Variants in CAST observed in about 807,000 individuals in gnomAD.
CAST encodes MIR583 host.
Under a neutral mutation model 119.6 loss-of-function variants are expected in CAST, and 76 were observed. The observed-to-expected ratio is 0.64, with a 90% confidence interval of 0.53 to 0.77. The LOEUF is 0.77. Ranked by LOEUF, CAST falls within the 30% of genes least tolerant of loss-of-function variation. The pLI is 0.00. For synonymous variants in CAST, 319 were observed against 331.6 expected (o/e 0.96, Z 0.41); for missense variants, 953 against 946.5 (o/e 1.01, Z -0.09).
intron 1 of CAST, among the ~76,000 whole-genome samples, chr5:96,621,700 T>G (rs997740742): frequency 6.6e-6 from 1 of 152,156 alleles, no homozygotes; most frequent in Non-Finnish European, 1.5e-5. Context: ...AAGATGAGAT[T>G]TGGGTGGGGA....
the CAST span, among the ~76,000 whole-genome samples, chr5:96,287,726 TATATA>T: frequency 7.6e-3 from 1,161 of 152,248 alleles, 12 homozygotes; most frequent in African/African-American, 0.027. Context: ...AAATCACACT[TATATA>T]GGTAGTGGCA....
the CAST span, among the ~76,000 whole-genome samples, chr5:96,252,580 C>T: frequency 6.6e-6 from 1 of 152,120 alleles, no homozygotes; most frequent in African/African-American, 2.4e-5. Flanking sequence ...AATTGACGCT[C>T]ACAGAGTTTA....
At chr5:96,092,762 T>C in the CAST span, among the ~76,000 whole-genome samples, 6 of 152,206 alleles carry the variant, frequency 3.9e-5, no homozygotes, top group African/African-American at 9.7e-5. Context: ...TAAATTCTAC[T>C]TTTCAGACAT....
the CAST span, among the ~76,000 whole-genome samples, chr5:95,966,753 A>G: frequency 2.0e-5 from 3 of 152,270 alleles, no homozygotes; most frequent in African/African-American, 7.2e-5. Context: ...AGTCTTCATT[A>G]ATACCTTTTT....
chr5:96,401,700 T>C, the CAST span, among the ~76,000 whole-genome samples: 3 of 152,324 alleles, frequency 2.0e-5, no homozygotes, highest in African/African-American at 4.8e-5. Context: ...ATTGCACTTA[T>C]AGGCTTCTAA....
the CAST span, among the ~76,000 whole-genome samples, chr5:96,323,965 T>C: frequency 1.3e-5 from 2 of 152,178 alleles, no homozygotes; most frequent in Non-Finnish European, 2.9e-5. Flanking sequence ...TCTTTCTTCT[T>C]TCCTTCTCCC....
chr5:96,159,962 T>C, the CAST span, among the ~76,000 whole-genome samples: 1 of 107,562 alleles, frequency 9.3e-6, no homozygotes, highest in Non-Finnish European at 2.0e-5. Context: ...GAAACCTGTC[T>C]CTACTAAAAA....
chr5:96,110,722 A>G, the CAST span, among the ~76,000 whole-genome samples: 1 of 152,200 alleles, frequency 6.6e-6, no homozygotes, highest in East Asian at 1.9e-4. Context: ...TGATTAGGGA[A>G]GGAGATGGTT....
At chr5:96,738,176 G>T (rs893899398) in intron 11 of CAST, among the ~76,000 whole-genome samples, 1 of 152,034 alleles carries the variant, frequency 6.6e-6, no homozygotes, top group Non-Finnish European at 1.5e-5. Flanking sequence ...ACAAAAATTA[G>T]CTGGGCATGG....
intron 2 of CAST, among the ~76,000 whole-genome samples, chr5:96,684,573 T>A (rs947113951): frequency 1.3e-5 from 2 of 152,000 alleles, no homozygotes; most frequent in African/African-American, 4.8e-5. Context: ...ATCTTTTTTT[T>A]TTTTTTTGAG....
intron 1 of CAST, among the ~76,000 whole-genome samples, chr5:96,627,144 G>T (rs1274147797): frequency 6.6e-6 from 1 of 152,232 alleles, no homozygotes; most frequent in Non-Finnish European, 1.5e-5. Flanking sequence ...GAATGAGGAA[G>T]ATAGGAGTCC....
chr5:96,722,802 G>A, intron 4 of CAST, 104 bp downstream of exon 4: 1 of 822,356 alleles, frequency 1.2e-6, no homozygotes, highest in Non-Finnish European at 2.1e-6. Context: ...ATGCTAGGAA[G>A]TTTTAATTAT....
chr5:96,666,799 A>G (rs946076203), intron 1 of CAST, among the ~76,000 whole-genome samples: 62 of 152,328 alleles, frequency 4.1e-4, no homozygotes, highest in African/African-American at 1.5e-3. Flanking sequence ...TGCCTTTTAA[A>G]GAATGCTATA....
chr5:96,300,099 C>T, the CAST span, among the ~76,000 whole-genome samples: 7 of 152,052 alleles, frequency 4.6e-5, no homozygotes, highest in South Asian at 1.5e-3. Context: ...GCAGAAGTTT[C>T]TTATTTTGTT....
chr5:96,477,574 G>T, the CAST span, among the ~76,000 whole-genome samples: 1 of 152,124 alleles, frequency 6.6e-6, no homozygotes, highest in African/African-American at 2.4e-5. Flanking sequence ...ATTCAATAAC[G>T]ATGTCCAGTA....
At chr5:96,615,641 T>A (rs942994399) in intron 1 of CAST, among the ~76,000 whole-genome samples, 2 of 151,514 alleles carry the variant, frequency 1.3e-5, no homozygotes, top group Non-Finnish European at 2.9e-5. Flanking sequence ...CAGGTGGAGG[T>A]GTATGGTAGT....
chr5:96,314,933 T>C, the CAST span, among the ~76,000 whole-genome samples: 1 of 152,204 alleles, frequency 6.6e-6, no homozygotes, highest in African/African-American at 2.4e-5. Flanking sequence ...CAAAAAGGAA[T>C]GATAGAAGCA....
At chr5:96,238,178 C>G in the CAST span, among the ~76,000 whole-genome samples, 1 of 151,898 alleles carries the variant, frequency 6.6e-6, no homozygotes. Flanking sequence ...AGGTTGTTCT[C>G]TTTCCTCTGT....
At chr5:96,143,677 C>T in the CAST span, among the ~76,000 whole-genome samples, 4 of 152,154 alleles carry the variant, frequency 2.6e-5, no homozygotes, top group Non-Finnish European at 5.9e-5. Flanking sequence ...GTTATTTCAA[C>T]TCTATAAACC....
Sources: allele counts gnomAD v4.1 joint callset (sites outside exome capture counted in the v4.1 genomes callset), GRCh38; gene constraint gnomAD v4.1.1; transcripts MANE v1.5; gene names NCBI Gene and HGNC (gene_info 2026-07-23, HGNC 2026-07-21).